The following SEPTIN10 variants were observed in gnomAD, a reference collection of about 807,000 sequenced individuals.
SEPTIN10 encodes the protein septin-10.
In SEPTIN10, 66 loss-of-function variants were observed where a neutral mutation model predicts 54.8. The observed-to-expected ratio is 1.21, with a 90% confidence interval of 0.99 to 1.48. The LOEUF (loss-of-function observed/expected upper bound fraction) is 1.48. Among genes scored for constraint, SEPTIN10 ranks in the 40% most tolerant of loss-of-function variants. SEPTIN10 has a pLI of 0.00. For synonymous variants in SEPTIN10, 161 were observed against 181.0 expected, an observed-to-expected ratio of 0.89 and a Z score of 0.89; for missense variants, 620 against 545.6, an observed-to-expected ratio of 1.14 and a Z score of -1.36.
At chr2:109,557,859 T>C (rs1368213855) in intron 8 of SEPTIN10, among the ~76,000 whole-genome samples, 2 of 151,832 alleles carry the variant, frequency 1.3e-5, no homozygotes, top group Non-Finnish European at 2.9e-5. Flanking sequence ...TTCTTTTTTT[T>C]TTTTTTTGAG....
At chr2:109,588,694 T>C (rs1196726120) in intron 2 of SEPTIN10, among the ~76,000 whole-genome samples, 1 of 151,792 alleles carries the variant, frequency 6.6e-6, no homozygotes, top group African/African-American at 2.4e-5. Context: ...TTTCACCGTG[T>C]TGGCCAGGCT....
At chr2:109,592,705 G>A (rs548974028) in intron 2 of SEPTIN10, among the ~76,000 whole-genome samples, 8 of 151,094 alleles carry the variant, frequency 5.3e-5, no homozygotes, top group East Asian at 1.9e-4. Context: ...GCTTGAACCC[G>A]GGAGGCAGAG....
At chr2:109,596,843 G>A (rs947639496) in intron 1 of SEPTIN10, among the ~76,000 whole-genome samples, 7 of 152,110 alleles carry the variant, frequency 4.6e-5, no homozygotes, top group African/African-American at 1.4e-4. Flanking sequence ...AAAGTAATAT[G>A]AATAATTATT....
chr2:109,546,220 C>T lies in SEPTIN10; in HGVS notation c.1179G>A (p.Glu393=). ...CTTCTTGGTGAAGTCTCTTAAGGTG[C>T]TCAAATTTGGCCTGTAGCTGGAAAC... ...EAERELQAKF[E]HLKRLHQEER... Residue 393 remains glutamate, a synonymous_variant, in exon 10 of 11, where the codon GAG becomes GAA. Coordinates refer to ENST00000397712, the MANE Select transcript of SEPTIN10 (RefSeq NM_144710.5). 3 of 1,556,308 alleles carry T rather than the reference C, an allele frequency of 1.9e-6. No homozygotes were observed. Among genetic ancestry groups the T allele is most frequent in the African/African-American group, 2.8e-5 (2 of 71,860 alleles).
intron 1 of SEPTIN10, among the ~76,000 whole-genome samples, chr2:109,611,382 T>C (rs780055254): frequency 6.7e-6 from 1 of 150,194 alleles, no homozygotes; most frequent in Non-Finnish European, 1.5e-5. Flanking sequence ...TGTTAGAAGA[T>C]GAAAAGATAA....
intron 1 of SEPTIN10, among the ~76,000 whole-genome samples, chr2:109,593,492 G>A (rs933497985): frequency 2.1e-5 from 3 of 145,860 alleles, no homozygotes; most frequent in South Asian, 2.1e-4. Flanking sequence ...TGCAACCTCC[G>A]TCTCCCAGGT....
intron 5 of SEPTIN10, among the ~76,000 whole-genome samples, chr2:109,568,347 A>T (rs1382896897): frequency 1.3e-5 from 2 of 148,520 alleles, no homozygotes; most frequent in Non-Finnish European, 3.0e-5. Flanking sequence ...TTATACACTC[A>T]TTCCTACAGA....
chr2:109,544,044 A>G lies in SEPTIN10; in HGVS notation c.*265T>C. The stretch of plus-strand genomic sequence containing the variant: ...GGGGAATTTTCCACTTGTGGGGTCA[A>G]GTCAGTGCTCAAAAAGATTCAGATT... On this transcript the variant is annotated 3_prime_UTR_variant, in exon 11 of 11. Coordinates refer to ENST00000397712, the MANE Select transcript of SEPTIN10 (RefSeq NM_144710.5). 9.6e-7 allele frequency: 1 copy of G among 1,039,014 alleles called. No homozygotes were observed. The highest frequency in any genetic ancestry group is 1.4e-6 in the Non-Finnish European group (1 of 713,818). The allele number at this position is 1,039,014 out of a possible 1,614,324, so 64.4% of individuals were successfully genotyped here.
intron 4 of SEPTIN10, among the ~76,000 whole-genome samples, chr2:109,582,110 A>ACT (rs1553437766): frequency 0.11 from 14,269 of 134,898 alleles, 905 homozygotes; most frequent in Non-Finnish European, 0.15. Flanking sequence ...ACACACACAC[A>ACT]CACTCACTCT....
rs138473581 is a variant in SEPTIN10 at position 109,591,975 on chromosome 2, C to A, written c.99+1076G>T. On this transcript the variant is annotated intron_variant, in intron 2 of 10. Coordinates refer to ENST00000397712, the MANE Select transcript of SEPTIN10 (RefSeq NM_144710.5). ...TTGTAATTTTCTTTCTAGTTACTCA[C>A]CTCTTTCACCAGATTTACTTCCTAT... is the stretch of plus-strand genomic sequence containing the variant. Among the ~76,000 whole-genome samples, 876 of 152,242 alleles carry A rather than the reference C, an allele frequency of 5.8e-3. 11 individuals carry two copies. The highest frequency in any genetic ancestry group is 0.056 in the South Asian group (272 of 4,822).
intron 1 of SEPTIN10, among the ~76,000 whole-genome samples, chr2:109,610,879 TACACAGAGAGG>T (rs918831626): frequency 1.3e-5 from 2 of 152,124 alleles, no homozygotes; most frequent in Admixed American, 6.5e-5. Context: ...TTCTAAAACT[TACACAGAGAGG>T]CACAGAACTA....
Position 109,593,907 on chromosome 2 carries a change from T to A in SEPTIN10, c.31-788A>T, listed in dbSNP as rs146287837. 1.6e-4 allele frequency among the ~76,000 whole-genome samples: 24 copies of A among 152,352 alleles called. 1 individual carries two copies. The East Asian group carries it at 4.6e-3, about 29-fold the overall frequency. ...CTCATATTACACGTCCATATCACTA[T>A]GCTAGCTCATTAAGTTTATTTTCTT... On this transcript the variant is annotated intron_variant, in intron 1 of 10. Transcript: ENST00000397712.
intron 1 of SEPTIN10, among the ~76,000 whole-genome samples, chr2:109,602,966 A>G (rs1344962179): frequency 6.6e-6 from 1 of 150,862 alleles, no homozygotes; most frequent in Non-Finnish European, 1.5e-5. Context: ...TGATACTTGG[A>G]AGACTGAGGC....
intron 1 of SEPTIN10, chr2:109,595,110 C>G (rs1695027790): frequency 6.6e-6 from 1 of 152,238 alleles, no homozygotes; most frequent in Non-Finnish European, 1.5e-5. Flanking sequence ...TGGTCTCAAA[C>G]TCCTGAACTC....
intron 1 of SEPTIN10, among the ~76,000 whole-genome samples, chr2:109,604,294 G>A (rs1407717654): frequency 6.9e-6 from 1 of 144,204 alleles, no homozygotes; most frequent in Admixed American, 7.2e-5. Flanking sequence ...CAGTGGTTGA[G>A]ACTGCGCCAC....
chr2:109,585,960 C>T, intron 2 of SEPTIN10, 122 bp from the exon 3 acceptor site: 2 of 665,734 alleles, frequency 3.0e-6, no homozygotes, highest in South Asian at 2.0e-5. Flanking sequence ...ATCATTATAC[C>T]TCACCTAAGA....
intron 2 of SEPTIN10, among the ~76,000 whole-genome samples, chr2:109,587,927 AAAAC>A (rs1005590645): frequency 1.3e-5 from 2 of 151,620 alleles, no homozygotes; most frequent in Non-Finnish European, 2.9e-5. Context: ...AAAAAAAACA[AAAAC>A]AAACACACAC....
intron 7 of SEPTIN10, 31 bp from the exon 8 acceptor site, chr2:109,564,565 A>G (rs770920821): frequency 1.4e-6 from 2 of 1,447,028 alleles, no homozygotes; most frequent in Non-Finnish European, 1.8e-6. Flanking sequence ...AAAGAACAAC[A>G]CTGGATTTTA....
intron 1 of SEPTIN10, among the ~76,000 whole-genome samples, chr2:109,600,650 T>G (rs969441214): frequency 6.6e-6 from 1 of 152,138 alleles, no homozygotes; most frequent in Non-Finnish European, 1.5e-5. Context: ...CAATCAGTTT[T>G]GTAGTAGACA....
Sources: gnomAD v4.1 joint callset for allele counts (sites outside exome capture counted in the v4.1 genomes callset) on GRCh38, gnomAD v4.1.1 for gene constraint, MANE v1.5 for transcripts, NCBI Gene and HGNC (gene_info 2026-07-23, HGNC 2026-07-21) for gene names.